The following CLSPN variants were observed in gnomAD, a reference collection of about 807,000 sequenced individuals.
CLSPN encodes the protein claspin homolog.
A neutral mutation model predicts 156.3 loss-of-function variants in CLSPN; 85 were observed. The ratio of observed to expected loss-of-function variants is 0.54; its 90% CI spans 0.46 to 0.65. The LOEUF is 0.65. Among genes scored for constraint, CLSPN ranks in the 30% least tolerant of loss-of-function variants. CLSPN has a pLI of 0.00. For synonymous variants in CLSPN, 534 were observed against 542.4 expected (o/e 0.98, Z 0.22); for missense variants, 1,407 against 1,554.9 (o/e 0.90, Z 1.60).
Position 35,732,641 on chromosome 1 carries a change from C to G in CLSPN, c.*3855G>C, listed in dbSNP as rs924345432. 1.0e-6 allele frequency: 1 copy of G among 985,308 alleles called. No homozygotes were observed. The highest frequency in any genetic ancestry group is 6.2e-5 in the Admixed American group (1 of 16,260). The allele number at this position is 985,308 out of a possible 1,614,324, so 61.0% of individuals were successfully genotyped here. On this transcript the variant is annotated 3_prime_UTR_variant, in exon 25 of 25. Transcript: ENST00000318121. ...CAAAAACACTGACACTGAGCCTACC[C>G]TATCTCCCACACTCATGGGCTCTCA...
At chr1:35,757,023 T>A (rs762627895) in intron 8 of CLSPN, among the ~76,000 whole-genome samples, 1 of 152,286 alleles carries the variant, frequency 6.6e-6, no homozygotes, top group East Asian at 1.9e-4. Context: ...GCCAGGGAGA[T>A]CACCCTGTGC....
intron 1 of CLSPN, among the ~76,000 whole-genome samples, chr1:35,768,485 G>A (rs890671160): frequency 6.6e-6 from 1 of 151,410 alleles, no homozygotes; most frequent in Non-Finnish European, 1.5e-5. Context: ...ATGGCTCACT[G>A]CAGCCTTGAC....
At chr1:35,740,226 C>G (rs1641644962) in intron 18 of CLSPN, among the ~76,000 whole-genome samples, 1 of 152,134 alleles carries the variant, frequency 6.6e-6, no homozygotes, top group Non-Finnish European at 1.5e-5. Flanking sequence ...ACCCCCACAT[C>G]AGAAGGAAGA....
chr1:35,736,394 A>G lies in CLSPN; in HGVS notation c.*102T>C. 1 of 1,458,752 alleles carries G rather than the reference A, an allele frequency of 6.9e-7. No homozygotes were observed. The highest frequency in any genetic ancestry group is 9.0e-7 in the Non-Finnish European group (1 of 1,107,026). The allele number at this position is 1,458,752 out of a possible 1,614,324, so 90.4% of individuals were successfully genotyped here. The stretch of plus-strand genomic sequence containing the variant: ...TGTCTGCAATCTTATTGCATTGATT[A>G]TGAAAGAAGGAAGGATCATTGGCTG... On this transcript the variant is annotated 3_prime_UTR_variant, in exon 25 of 25. Transcript: ENST00000318121.
At chr1:35,743,880 C>A (rs2148616271) in intron 16 of CLSPN, among the ~76,000 whole-genome samples, 1 of 152,178 alleles carries the variant, frequency 6.6e-6, no homozygotes, top group African/African-American at 2.4e-5. Context: ...CCTTGGGCTC[C>A]CAAAGTACTG....
At chr1:35,758,363 G>A (rs1025157164) in intron 8 of CLSPN, among the ~76,000 whole-genome samples, 1 of 152,082 alleles carries the variant, frequency 6.6e-6, no homozygotes, top group African/African-American at 2.4e-5. Flanking sequence ...AAAGAGTCTT[G>A]GCTGAGTGTA....
chr1:35,760,725 T>C lies in CLSPN; in HGVS notation c.1196A>G (p.Lys399Arg), dbSNP rs1348130862. 6.2e-6 allele frequency: 10 copies of C among 1,614,138 alleles called. No individual in the cohort carries two copies. The South Asian group carries it at 1.1e-4, about 18-fold the overall frequency. Residue 399 changes from lysine to arginine, a missense_variant, in exon 8 of 25, where the codon AAG (lysine) becomes AGG (arginine). Around this residue, in one of 3 missense-constraint regions of CLSPN, gnomAD observed 1,096 missense variants for 1,193.0 expected, o/e 0.92. Transcript: ENST00000318121. ...TAGCTCTTCATTTTTTACCAAATCC[T>C]TCCTGCAAGACTCATCTGATCCAGT... ...IITGSDESCR[K>R]DLVKNEELEI... is the part of the protein sequence containing the mutation.
At chr1:35,737,129 AAAAGTCCT>A in intron 23 of CLSPN, 54 bp from the exon 24 acceptor site, 1 of 1,564,720 alleles carries the variant, frequency 6.4e-7, no homozygotes, top group South Asian at 1.1e-5. Context: ...CTAAAGAATG[AAAAGTCCT>A]TCCCTCCCTG....
chr1:35,726,150 G>GAAAAAAAAAAA, intron 24 of CLSPN, among the ~76,000 whole-genome samples: 1 of 3,616 alleles, frequency 2.8e-4, no homozygotes, highest in Non-Finnish European at 8.4e-4. Context: ...AACAGATGCA[G>GAAAAAAAAAAA]ACAAAAAAAA....
At chr1:35,758,173 GTTTT>G in intron 8 of CLSPN, among the ~76,000 whole-genome samples, 1 of 140,706 alleles carries the variant, frequency 7.1e-6, no homozygotes, top group East Asian at 2.0e-4. Context: ...ATTTTTTTGT[GTTTT>G]TTTTTTTTTT....
intron 1 of CLSPN, among the ~76,000 whole-genome samples, chr1:35,766,249 C>A (rs893762233): frequency 7.9e-5 from 12 of 151,528 alleles, no homozygotes; most frequent in Non-Finnish European, 1.6e-4. Context: ...CCCACCTCGG[C>A]CTCCCAAAAT....
In CLSPN at chr1:35,760,601, A is replaced by G. The variant is rs774882524; in HGVS notation, c.1320T>C (p.Ser440=). 16 of 1,614,110 alleles carry G rather than the reference A, an allele frequency of 9.9e-6. No individual in the cohort carries two copies. Among genetic ancestry groups the G allele is most frequent in the South Asian group, 2.2e-5 (2 of 91,080 alleles). Residue 440 remains serine (S), a synonymous_variant, in exon 8 of 25, where the codon AGT becomes AGC. Transcript: ENST00000318121. Reference sequence around the variant, plus strand: ...CAAGCCCTCCAACCTGACATTCCTCACTGTGATTGTTCCCGAGGAAGTTGG... The same window carrying G: ...CAAGCCCTCCAACCTGACATTCCTCGCTGTGATTGTTCCCGAGGAAGTTGG... ...QESNFLGNNH[S]EECQVGGLVA... is the part of the protein sequence containing the mutation.
Position 35,736,444 on chromosome 1 carries a change from C to T in CLSPN, c.*52G>A, listed in dbSNP as rs1180008786. 6.6e-7 allele frequency: 1 copy of T among 1,513,600 alleles called. No homozygotes were observed. Among genetic ancestry groups the T allele is most frequent in the African/African-American group, 1.4e-5 (1 of 71,320 alleles). 93.8% of individuals were successfully genotyped at this position (1,513,600 alleles called of 1,614,324 possible). On this transcript the variant is annotated 3_prime_UTR_variant, in exon 25 of 25. Coordinates refer to ENST00000318121, the MANE Select transcript of CLSPN (RefSeq NM_022111.4). ...GGAGTGTCAATTCCAACTTTCAGTGCTAGAAACTTCTCAAAGCAGTCTCAA... is the reference window on the plus strand; with the variant it reads ...GGAGTGTCAATTCCAACTTTCAGTGTTAGAAACTTCTCAAAGCAGTCTCAA...
At position 35,735,277 on chromosome 1, in the gene CLSPN, A is replaced by G. The variant is rs1641426141; in HGVS notation, c.*1219T>C. 2 of 985,432 alleles carry G rather than the reference A, an allele frequency of 2.0e-6. No individual in the cohort carries two copies. Among genetic ancestry groups the G allele is most frequent in the Non-Finnish European group, 2.4e-6 (2 of 829,924 alleles). 61.0% of individuals were successfully genotyped at this position (985,432 alleles called of 1,614,324 possible). ...GAGGCAGAGTCTTTCTGACTTGGGT[A>G]CCAGTTTAAGTCCTTATTAAGCAGC... On this transcript the variant is annotated 3_prime_UTR_variant, in exon 25 of 25. Coordinates refer to ENST00000318121, the MANE Select transcript of CLSPN (RefSeq NM_022111.4).
At chr1:35,745,367 G>T in intron 16 of CLSPN, 84 bp downstream of exon 16, 1 of 899,212 alleles carries the variant, frequency 1.1e-6, no homozygotes, top group Non-Finnish European at 1.8e-6. Context: ...TCTCAGAAAA[G>T]GTGCAAAGCC....
chr1:35,766,268 T>G (rs1297983525), intron 1 of CLSPN, among the ~76,000 whole-genome samples: 1 of 151,442 alleles, frequency 6.6e-6, no homozygotes, highest in Non-Finnish European at 1.5e-5. Context: ...ATGCTGGGAT[T>G]ACAGGTATGA....
rs1345672364 is a variant in CLSPN, at chr1:35,747,983, T to C, written c.2551A>G (p.Thr851Ala). The change falls in exon 14 of 25, where the codon ACA becomes GCA. Residue 851 changes from threonine (T) to alanine (A), a missense_variant. Around this residue, in one of 3 missense-constraint regions of CLSPN, gnomAD observed 1,096 missense variants for 1,193.0 expected, o/e 0.92. Transcript: ENST00000318121. ...AAGTCTCCTGCTCCTAGGAAAAGTG[T>C]CTTAGGCTCTGGGGAGGCGTTATAC... ...DLYNASPEPK[T>A]LFLGAGDFQF... is the part of the protein sequence containing the mutation. 6.2e-7 allele frequency: 1 copy of C among 1,614,188 alleles called. No individual in the cohort carries two copies. Among genetic ancestry groups the C allele is most frequent in the African/African-American group, 1.3e-5 (1 of 75,038 alleles).
Position 35,763,166 on chromosome 1 carries a change from C to A in CLSPN, c.738G>T (p.Lys246Asn). ...GCAATCATGCTTTACTTGCCTTGTG[C>A]TTTTTTACTTTGTTTTTTACAGCTG... ...IRAAVKNKVK[K>N]HKKKEPSLES... The change falls in exon 4 of 25, where the codon AAG (lysine) becomes AAT (asparagine). Residue 246 changes from lysine to asparagine, a missense_variant. Transcript: ENST00000318121. 1 of 1,566,662 alleles carries A rather than the reference C, an allele frequency of 6.4e-7. No homozygotes were observed. Among genetic ancestry groups the A allele is most frequent in the Non-Finnish European group, 8.6e-7 (1 of 1,161,130 alleles).
At chr1:35,768,199 A>G (rs1222002705) in intron 1 of CLSPN, among the ~76,000 whole-genome samples, 1 of 151,980 alleles carries the variant, frequency 6.6e-6, no homozygotes, top group Non-Finnish European at 1.5e-5. Context: ...AAAACCCCGT[A>G]TCTACTAAAA....
Sources: allele counts gnomAD v4.1 joint callset (sites outside exome capture counted in the v4.1 genomes callset), GRCh38; gene constraint gnomAD v4.1.1; regional missense constraint gnomAD v4.1.1; transcripts MANE v1.5; gene names NCBI Gene and HGNC (gene_info 2026-07-23, HGNC 2026-07-21).